The following PKNOX2 variants were observed in gnomAD, a reference collection of about 807,000 sequenced individuals.
PKNOX2 encodes PBX/knotted 1 homeobox 2.
PKNOX2 carries 14 observed loss-of-function variants against 53.1 expected under a neutral mutation model. The ratio of observed to expected loss-of-function variants is 0.26; its 90% CI spans 0.17 to 0.41. The LOEUF is 0.41. PKNOX2 is among the 10% of genes least tolerant of loss of function. The pLI is 1.00. For synonymous variants in PKNOX2, 257 were observed against 242.8 expected (o/e 1.06, Z -0.54); for missense variants, 496 against 602.8 (o/e 0.82, Z 1.85).
chr11:125,271,402 T>C (rs1189960010), intron 2 of PKNOX2, among the ~76,000 whole-genome samples: 2 of 152,238 alleles, frequency 1.3e-5, no homozygotes, highest in Non-Finnish European at 2.9e-5. Flanking sequence ...TCTCCCTGAA[T>C]ACAGTGTTCC....
At chr11:125,188,694 G>A (rs1194126640) in intron 1 of PKNOX2, among the ~76,000 whole-genome samples, 1 of 152,168 alleles carries the variant, frequency 6.6e-6, no homozygotes, top group Non-Finnish European at 1.5e-5. Flanking sequence ...CTCTCAGGGA[G>A]ATTAGCTTTA....
chr11:125,203,944 A>T (rs1300795263), intron 1 of PKNOX2, among the ~76,000 whole-genome samples: 2 of 152,084 alleles, frequency 1.3e-5, no homozygotes, highest in Non-Finnish European at 2.9e-5. Flanking sequence ...CACTTTCACC[A>T]TCTGAGTAGA....
chr11:125,397,978 C>A lies in PKNOX2; in HGVS notation c.504C>A (p.Thr168=), dbSNP rs1954512252. 1.2e-6 allele frequency: 2 copies of A among 1,614,032 alleles called. No homozygotes were observed. Among genetic ancestry groups the A allele is most frequent in the Non-Finnish European group, 8.5e-7 (1 of 1,180,024 alleles). Residue 168 remains threonine, a synonymous_variant, in exon 7 of 13, where the codon ACC becomes ACA. Transcript: ENST00000298282. ...ACCGTTACATCACCTGCCTCAAAAC[C>A]AAGATGCACAGCGACAACCTGCTCA... ...FCNRYITCLK[T]KMHSDNLLRN...
chr11:125,276,846 G>C (rs950788683), intron 2 of PKNOX2, among the ~76,000 whole-genome samples: 1 of 152,170 alleles, frequency 6.6e-6, no homozygotes, highest in African/African-American at 2.4e-5. Context: ...CTCCAGTAAG[G>C]TTCAGCTGCT....
Position 125,397,987 on chromosome 11 carries a change from C to G in PKNOX2, c.513C>G (p.His171Gln). Residue 171 changes from histidine to glutamine, a missense_variant, in exon 7 of 13, where the codon CAC (histidine) becomes CAG (glutamine). Transcript: ENST00000298282. ...RYITCLKTKM[H>Q]SDNLLRNDLG... ...TCACCTGCCTCAAAACCAAGATGCA[C>G]AGCGACAACCTGCTCAGGAATGATC... The G allele has an allele frequency of 6.2e-7, 1 of 1,614,176 alleles. No homozygotes were observed. Among genetic ancestry groups the G allele is most frequent in the Non-Finnish European group, 8.5e-7 (1 of 1,180,016 alleles).
chr11:125,284,018 A>C (rs984667640), intron 2 of PKNOX2, among the ~76,000 whole-genome samples: 2 of 152,172 alleles, frequency 1.3e-5, no homozygotes, highest in African/African-American at 4.8e-5. Flanking sequence ...TAGCTGTGCC[A>C]CTCACAAGCT....
At chr11:125,199,303 A>T (rs1289252091) in intron 1 of PKNOX2, among the ~76,000 whole-genome samples, 1 of 152,120 alleles carries the variant, frequency 6.6e-6, no homozygotes, top group Non-Finnish European at 1.5e-5. Flanking sequence ...AGCTTCAGTG[A>T]GGGGGAGAAC....
intron 9 of PKNOX2, 47 bp from the exon 10 acceptor site, chr11:125,411,699 G>T: frequency 1.2e-5 from 20 of 1,613,164 alleles, no homozygotes; most frequent in Non-Finnish European, 1.7e-5. Context: ...CCCAGCCGCT[G>T]CCCTCACAGG....
At chr11:125,351,606 CAGGAG>C (rs1437210992) in intron 4 of PKNOX2, among the ~76,000 whole-genome samples, 1 of 152,180 alleles carries the variant, frequency 6.6e-6, no homozygotes. Flanking sequence ...GTTCAGACCC[CAGGAG>C]CTAGGACTGG....
intron 1 of PKNOX2, chr11:125,191,242 G>A (rs1956859303): frequency 6.6e-6 from 1 of 152,226 alleles, no homozygotes; most frequent in Non-Finnish European, 1.5e-5. Context: ...GCAGATGGCA[G>A]AGGCAGGATT....
chr11:125,381,450 G>C (rs972306600), intron 5 of PKNOX2, among the ~76,000 whole-genome samples: 7 of 152,124 alleles, frequency 4.6e-5, no homozygotes, highest in African/African-American at 7.2e-5. Flanking sequence ...AGTTAACTTG[G>C]AGGGAAGGAT....
intron 2 of PKNOX2, among the ~76,000 whole-genome samples, chr11:125,258,345 T>G (rs1027848534): frequency 6.6e-6 from 1 of 152,212 alleles, no homozygotes; most frequent in Non-Finnish European, 1.5e-5. Context: ...ATTGTCTTTC[T>G]CTGTGTAAAC....
At chr11:125,189,220 G>C (rs1354785747) in intron 1 of PKNOX2, among the ~76,000 whole-genome samples, 1 of 151,178 alleles carries the variant, frequency 6.6e-6, no homozygotes, top group Non-Finnish European at 1.5e-5. Flanking sequence ...TCCTCTGCCA[G>C]TCTGGCCATT....
chr11:125,292,697 C>A (rs1033241513), intron 2 of PKNOX2, among the ~76,000 whole-genome samples: 1 of 152,212 alleles, frequency 6.6e-6, no homozygotes, highest in Non-Finnish European at 1.5e-5. Context: ...GCAGCCACCC[C>A]TTCCTTTCTC....
chr11:125,284,645 G>T (rs535406571), intron 2 of PKNOX2, among the ~76,000 whole-genome samples: 6 of 152,302 alleles, frequency 3.9e-5, no homozygotes, highest in Admixed American at 6.5e-5. Context: ...ACAGAGAATT[G>T]CTAGAGTGAG....
intron 5 of PKNOX2, among the ~76,000 whole-genome samples, chr11:125,375,661 GGT>G (rs1424140324): frequency 6.6e-6 from 1 of 152,130 alleles, no homozygotes; most frequent in Non-Finnish European, 1.5e-5. Flanking sequence ...AGTGTGTGTG[GGT>G]GTGTGTTTAG....
chr11:125,415,057 A>G (rs181012236), intron 10 of PKNOX2, among the ~76,000 whole-genome samples: 1 of 152,190 alleles, frequency 6.6e-6, no homozygotes. Flanking sequence ...CCTCTCTTGC[A>G]TCTCTGACTC....
At chr11:125,189,543 G>A (rs930427587) in intron 1 of PKNOX2, among the ~76,000 whole-genome samples, 5 of 139,602 alleles carry the variant, frequency 3.6e-5, no homozygotes, top group South Asian at 2.3e-4. Context: ...ACAATCAGTC[G>A]TCTTTAGATT....
At chr11:125,274,604 CGG>C (rs1342417362) in intron 2 of PKNOX2, among the ~76,000 whole-genome samples, 1 of 152,204 alleles carries the variant, frequency 6.6e-6, no homozygotes, top group Non-Finnish European at 1.5e-5. Context: ...AAGGAACACA[CGG>C]GGATGGAACA....
Sources: gnomAD v4.1 joint callset for allele counts (sites outside exome capture counted in the v4.1 genomes callset) on GRCh38, gnomAD v4.1.1 for gene constraint, MANE v1.5 for transcripts, NCBI Gene and HGNC (gene_info 2026-07-23, HGNC 2026-07-21) for gene names.